LRP1B: variants seen among roughly 807,000 people sequenced by gnomAD.
LRP1B encodes the protein low-density lipoprotein receptor-related protein 1B.
In LRP1B, 217 loss-of-function variants were observed where a neutral mutation model predicts 556.6. The observed-to-expected ratio is 0.39, with a 90% CI of 0.35 to 0.44. LRP1B has a LOEUF of 0.44. Ranked by LOEUF, LRP1B falls within the 20% of genes least tolerant of loss-of-function variation. The probability of loss-of-function intolerance (pLI) is 1.00; values close to 1 mark genes in which losing one functional copy is unlikely to be tolerated. For missense variants in LRP1B, 5,053 were observed against 5,620.8 expected (o/e 0.90, Z 3.23); for synonymous variants, 2,047 against 1,865.8 (o/e 1.10, Z -2.50).
chr2:141,694,346 C>A (rs1184329886), intron 2 of LRP1B, among the ~76,000 whole-genome samples: 1 of 152,024 alleles, frequency 6.6e-6, no homozygotes, highest in Non-Finnish European at 1.5e-5. Flanking sequence ...CTAAGAGAGT[C>A]CTCGGCACAT....
intron 2 of LRP1B, among the ~76,000 whole-genome samples, chr2:141,704,883 T>C (rs1692080125): frequency 6.6e-6 from 1 of 152,006 alleles, no homozygotes; most frequent in Non-Finnish European, 1.5e-5. Context: ...CATTTTCCTT[T>C]GGTAATCATC....
intron 86 of LRP1B, among the ~76,000 whole-genome samples, chr2:140,266,699 A>G (rs1682217899): frequency 1.3e-5 from 2 of 151,906 alleles, no homozygotes; most frequent in Admixed American, 6.6e-5. Flanking sequence ...TTTCTTTCCT[A>G]TAAAACTACA....
chr2:142,108,964 G>A (rs1292729673), intron 1 of LRP1B, among the ~76,000 whole-genome samples: 4 of 152,124 alleles, frequency 2.6e-5, no homozygotes, highest in Admixed American at 2.0e-4. Context: ...CAGATCACTT[G>A]TATATTTTGC....
chr2:141,915,876 G>A (rs983553488), intron 1 of LRP1B, among the ~76,000 whole-genome samples: 1 of 152,086 alleles, frequency 6.6e-6, no homozygotes, highest in African/African-American at 2.4e-5. Context: ...AAACGTCAAT[G>A]AGATATCATC....
At chr2:140,258,114 G>A (rs17385695) in intron 86 of LRP1B, among the ~76,000 whole-genome samples, 3,123 of 152,158 alleles carry the variant, frequency 0.021, 38 homozygotes, top group African/African-American at 0.029. Context: ...TGCAACAAAG[G>A]CTTCTCCAAT....
At chr2:140,262,930 T>C (rs1269630175) in intron 86 of LRP1B, among the ~76,000 whole-genome samples, 1 of 152,104 alleles carries the variant, frequency 6.6e-6, no homozygotes, top group Admixed American at 6.6e-5. Flanking sequence ...AATATGTTTG[T>C]TTATTTGTTT....
chr2:140,629,363 G>A (rs1014103542), intron 41 of LRP1B, among the ~76,000 whole-genome samples: 1 of 151,646 alleles, frequency 6.6e-6, no homozygotes, highest in Non-Finnish European at 1.5e-5. Flanking sequence ...CCACTATGCT[G>A]GGCATCATGT....
At chr2:141,319,303 TTTTGTTG>T (rs1256061997) in intron 3 of LRP1B, among the ~76,000 whole-genome samples, 4 of 121,418 alleles carry the variant, frequency 3.3e-5, no homozygotes, top group Admixed American at 2.6e-4. Flanking sequence ...AGCAGTGTTT[TTTTGTTG>T]TTTTTTTTTT....
intron 1 of LRP1B, among the ~76,000 whole-genome samples, chr2:142,079,773 G>A (rs2104928505): frequency 6.6e-6 from 1 of 152,280 alleles, no homozygotes; most frequent in Admixed American, 6.5e-5. Context: ...GCCTCCCAAA[G>A]TGCTAGGATT....
At chr2:141,751,785 C>CATCT (rs1396356467) in intron 2 of LRP1B, among the ~76,000 whole-genome samples, 2 of 150,682 alleles carry the variant, frequency 1.3e-5, no homozygotes, top group African/African-American at 4.9e-5. Flanking sequence ...TGCTAGAAAG[C>CATCT]ATCTAAGCAT....
At chr2:141,474,020 C>CTTCCTTCT (rs1559091329) in intron 3 of LRP1B, among the ~76,000 whole-genome samples, 4 of 102,072 alleles carry the variant, frequency 3.9e-5, no homozygotes, top group Non-Finnish European at 8.2e-5. Context: ...TCCTTCCTTC[C>CTTCCTTCT]TTCCTTCCTT....
intron 2 of LRP1B, among the ~76,000 whole-genome samples, chr2:141,715,907 A>C (rs1692567215): frequency 6.6e-6 from 1 of 152,210 alleles, no homozygotes; most frequent in African/African-American, 2.4e-5. Flanking sequence ...TGGTTGCTAA[A>C]ATAGCATTAT....
chr2:140,577,858 A>G (rs976272436), intron 43 of LRP1B, among the ~76,000 whole-genome samples: 3 of 152,196 alleles, frequency 2.0e-5, no homozygotes, highest in African/African-American at 7.2e-5. Context: ...ATAAGGATGC[A>G]GTTGAATCTA....
At chr2:140,687,050 T>G (rs1686074829) in intron 41 of LRP1B, among the ~76,000 whole-genome samples, 1 of 152,074 alleles carries the variant, frequency 6.6e-6, no homozygotes. Context: ...GTAGGCCAGA[T>G]GTGATGTAAA....
chr2:141,351,623 T>C (rs1256303336), intron 3 of LRP1B, among the ~76,000 whole-genome samples: 3 of 151,980 alleles, frequency 2.0e-5, no homozygotes, highest in Non-Finnish European at 4.4e-5. Context: ...TGTATCACTA[T>C]CAATACAACA....
At chr2:141,020,856 A>G (rs1028731850) in intron 11 of LRP1B, among the ~76,000 whole-genome samples, 1 of 151,994 alleles carries the variant, frequency 6.6e-6, no homozygotes, top group Non-Finnish European at 1.5e-5. Context: ...CTTATGGTCT[A>G]TTATCATTCA....
intron 32 of LRP1B, among the ~76,000 whole-genome samples, chr2:140,779,352 T>C (rs887022686): frequency 6.6e-6 from 1 of 152,182 alleles, no homozygotes; most frequent in Non-Finnish European, 1.5e-5. Flanking sequence ...TAGGAAATTC[T>C]TAGGGGAAAT....
intron 3 of LRP1B, among the ~76,000 whole-genome samples, chr2:141,454,752 G>A (rs976232455): frequency 3.9e-5 from 6 of 152,062 alleles, no homozygotes; most frequent in African/African-American, 1.2e-4. Context: ...CCTAGTTTGA[G>A]TTTGAATGCA....
At chr2:140,904,567 T>C (rs976013527) in intron 22 of LRP1B, among the ~76,000 whole-genome samples, 1 of 152,146 alleles carries the variant, frequency 6.6e-6, no homozygotes, top group African/African-American at 2.4e-5. Context: ...ATGGGTCAAC[T>C]CTTCTTCATA....
Sources: gnomAD v4.1 joint callset for allele counts (sites outside exome capture counted in the v4.1 genomes callset) on GRCh38, gnomAD v4.1.1 for gene constraint, MANE v1.5 for transcripts, NCBI Gene and HGNC (gene_info 2026-07-23, HGNC 2026-07-21) for gene names.